Variants in VSTM2L observed in about 807,000 individuals in gnomAD.
VSTM2L encodes V-set and transmembrane domain-containing protein 2-like protein.
VSTM2L carries 9 observed loss-of-function variants against 19.9 expected under a neutral mutation model. The ratio of observed to expected loss-of-function variants is 0.45; its 90% CI spans 0.27 to 0.79. The LOEUF (loss-of-function observed/expected upper bound fraction) is 0.79. Ranked by LOEUF, VSTM2L falls within the 30% of genes least tolerant of loss-of-function variation. The pLI is 0.15. For missense variants in VSTM2L, 286 were observed against 295.5 expected (o/e 0.97, Z 0.24); for synonymous variants, 127 against 133.8 (o/e 0.95, Z 0.35).
At chr20:37,941,951 A>C (rs1363179823) in intron 3 of VSTM2L, among the ~76,000 whole-genome samples, 1 of 151,764 alleles carries the variant, frequency 6.6e-6, no homozygotes, top group African/African-American at 2.4e-5. Context: ...AAAGTTTCAA[A>C]AATAGGTCAT....
Position 37,930,930 on chromosome 20 carries a change from C to T in VSTM2L, c.122-705C>T, listed in dbSNP as rs73908027. Among the ~76,000 whole-genome samples, 978 of 152,290 alleles carry T rather than the reference C, an allele frequency of 6.4e-3. 8 individuals are homozygous for T. Among genetic ancestry groups the T allele is most frequent in the African/African-American group, 0.022 (922 of 41,570 alleles). ...CAGGGCAGGGCAGGAGGTGGGGGAC[C>T]TTCTCGGGATCCTCAAGGAGGACCT... On this transcript the variant is annotated intron_variant, in intron 1 of 3. Coordinates refer to ENST00000373461, the MANE Select transcript of VSTM2L (RefSeq NM_080607.3).
chr20:37,921,818 CTCTT>C (rs1244077567), intron 1 of VSTM2L, among the ~76,000 whole-genome samples: 93 of 143,236 alleles, frequency 6.5e-4, no homozygotes, highest in African/African-American at 1.7e-3. Context: ...TTTTCTTTCT[CTCTT>C]TCTTTCTTTC....
chr20:37,927,212 G>T (rs558973154), intron 1 of VSTM2L, among the ~76,000 whole-genome samples: 2 of 152,334 alleles, frequency 1.3e-5, no homozygotes, highest in South Asian at 2.1e-4. Flanking sequence ...TGATCTGCCT[G>T]CCTCGGTCCC....
chr20:37,942,753 G>T lies in VSTM2L; in HGVS notation c.343-1228G>T, dbSNP rs2072979965. 2.6e-5 allele frequency among the ~76,000 whole-genome samples: 4 copies of T among 152,308 alleles called. No individual in the cohort carries two copies. In the South Asian group the frequency reaches 8.3e-4, roughly 32 times the overall value. On this transcript the variant is annotated intron_variant, in intron 3 of 3. Coordinates refer to ENST00000373461, the MANE Select transcript of VSTM2L (RefSeq NM_080607.3). ...GTACACACAGGAAACATTTCCTCAG[G>T]CTGTGTGCACTTTACTCTACATAAG...
chr20:37,944,548 T>G lies in VSTM2L; in HGVS notation c.*295T>G. The G allele has an allele frequency of 8.5e-7, 1 of 1,175,262 alleles. No individual in the cohort carries two copies. The highest frequency in any genetic ancestry group is 1.1e-6 in the Non-Finnish European group (1 of 952,220). The allele number at this position is 1,175,262 out of a possible 1,614,324, so 72.8% of individuals were successfully genotyped here. A position where few individuals can be genotyped will look rare whatever the true frequency, so the allele number is the denominator to read the frequency against. ...CATGCTGGGGCCCGGGGCCACCCCC[T>G]TCCTGTCACCAGCTTCTGTGGAGTC... On this transcript the variant is annotated 3_prime_UTR_variant, in exon 4 of 4. Coordinates refer to ENST00000373461, the MANE Select transcript of VSTM2L (RefSeq NM_080607.3).
intron 1 of VSTM2L, among the ~76,000 whole-genome samples, chr20:37,920,730 G>C (rs2072845521): frequency 6.6e-6 from 1 of 152,204 alleles, no homozygotes; most frequent in Non-Finnish European, 1.5e-5. Flanking sequence ...CCCTGCTCCT[G>C]TGGGCACAGT....
Position 37,915,643 on chromosome 20 carries a change from T to A in VSTM2L, c.121+12172T>A, listed in dbSNP as rs566312214. On this transcript the variant is annotated intron_variant, in intron 1 of 3. Transcript: ENST00000373461. ...CCTACCTTGAGGAGGTGCAGTTGGG[T>A]TGAAATCCAGGTCAGCCTGACTCCG... Among the ~76,000 whole-genome samples the A allele has an allele frequency of 4.6e-5, 7 of 152,158 alleles. No homozygotes were observed. The East Asian group carries it at 1.4e-3, about 29-fold the overall frequency.
At position 37,931,810 on chromosome 20, in the gene VSTM2L, GC is replaced by G; in HGVS notation, c.291+10del. On this transcript the variant is annotated splice_region_variant and intron_variant, in intron 2 of 3. Coordinates refer to ENST00000373461, the MANE Select transcript of VSTM2L (RefSeq NM_080607.3). ...AGGCGTGGGCCTCGAACCAGGTAAT[GC>G]CCCTGGGGAGATGCCCAAGCTGGGC... 2 of 1,610,572 alleles carry G rather than the reference GC, an allele frequency of 1.2e-6. No individual in the cohort carries two copies. The highest frequency in any genetic ancestry group is 1.7e-6 in the Non-Finnish European group (2 of 1,177,856).
At chr20:37,935,033 C>T (rs1264251755) in intron 3 of VSTM2L, among the ~76,000 whole-genome samples, 1 of 152,094 alleles carries the variant, frequency 6.6e-6, no homozygotes, top group Non-Finnish European at 1.5e-5. Flanking sequence ...ATATTAATAC[C>T]CCGTTCATCA....
chr20:37,914,385 T>TGTGGGGGGA (rs2072801032), intron 1 of VSTM2L, among the ~76,000 whole-genome samples: 1 of 150,450 alleles, frequency 6.6e-6, no homozygotes, highest in Admixed American at 6.6e-5. Context: ...TGGGTGTATG[T>TGTGGGGGGA]GTGGGTGTGT....
intron 3 of VSTM2L, among the ~76,000 whole-genome samples, chr20:37,934,128 G>A (rs914082341): frequency 6.6e-6 from 1 of 152,254 alleles, no homozygotes; most frequent in Non-Finnish European, 1.5e-5. Context: ...GGCTCAGGAG[G>A]TCAGGGACTT....
At chr20:37,908,314 G>T (rs1013813285) in intron 1 of VSTM2L, among the ~76,000 whole-genome samples, 1 of 152,228 alleles carries the variant, frequency 6.6e-6, no homozygotes, top group East Asian at 1.9e-4. Flanking sequence ...AGGGGAGTCG[G>T]GTAAGTGACC....
rs1485361833 is a variant in VSTM2L, at chr20:37,944,312, G to A, written c.*59G>A. 8.8e-6 allele frequency: 12 copies of A among 1,366,954 alleles called. No homozygotes were observed. Among genetic ancestry groups the A allele is most frequent in the Non-Finnish European group, 9.5e-6 (10 of 1,049,878 alleles). The allele number at this position is 1,366,954 out of a possible 1,614,324, so 84.7% of individuals were successfully genotyped here. A position where few individuals can be genotyped will look rare whatever the true frequency, so the allele number is the denominator to read the frequency against. ...CGCTGTACAGAGTGCATGAGGAGCC[G>A]CCGGACCACCGGGGACCGACTGCCT... On this transcript the variant is annotated 3_prime_UTR_variant, in exon 4 of 4. Transcript: ENST00000373461.
rs1274065202 is a variant in VSTM2L, at chr20:37,931,800, A to G, written c.287A>G (p.Asn96Ser). The change falls in exon 2 of 4, where the codon AAC becomes AGC. Residue 96 changes from asparagine to serine, a missense_variant. Transcript: ENST00000373461. The part of the protein sequence containing the change: ...DWTDKQAWAS[N>S]QLKASQQEDA... The stretch of plus-strand genomic sequence containing the variant: ...ACCGACAAGCAGGCGTGGGCCTCGA[A>G]CCAGGTAATGCCCCTGGGGAGATGC... 1.2e-6 allele frequency: 2 copies of G among 1,613,424 alleles called. No homozygotes were observed. The highest frequency in any genetic ancestry group is 4.5e-5 in the East Asian group (2 of 44,876).
At chr20:37,916,055 C>CCCCCA (rs1277322404) in intron 1 of VSTM2L, among the ~76,000 whole-genome samples, 2 of 152,210 alleles carry the variant, frequency 1.3e-5, no homozygotes, top group Admixed American at 1.3e-4. Flanking sequence ...GATGCAGCCT[C>CCCCCA]CTTTGCTTCC....
At position 37,931,734 on chromosome 20, in the gene VSTM2L, T is replaced by C; in HGVS notation, c.221T>C (p.Leu74Pro). 1 of 1,613,854 alleles carries C rather than the reference T, an allele frequency of 6.2e-7. No homozygotes were observed. Among genetic ancestry groups the C allele is most frequent in the Non-Finnish European group, 8.5e-7 (1 of 1,180,020 alleles). ...GGCAGCGGCTCCCCCTCCTACTCGC[T>C]GGAGATCCAGTGGTGGTATGTACGG... is the stretch of plus-strand genomic sequence containing the variant. ...FRGSGSPSYSLEIQWWYVRSH... is the reference protein window; with the variant it reads ...FRGSGSPSYSPEIQWWYVRSH... Residue 74 changes from leucine to proline, a missense_variant, in exon 2 of 4, where the codon CTG (leucine) becomes CCG (proline). Leu to Pro is a moderately conservative substitution (Grantham distance 98). Transcript: ENST00000373461.
At chr20:37,928,136 C>G (rs111503207) in intron 1 of VSTM2L, among the ~76,000 whole-genome samples, 1 of 152,036 alleles carries the variant, frequency 6.6e-6, no homozygotes, top group African/African-American at 2.4e-5. Flanking sequence ...GTGGTCATAC[C>G]AGATCCAACC....
chr20:37,925,998 T>C (rs73096432), intron 1 of VSTM2L, among the ~76,000 whole-genome samples: 2,641 of 152,322 alleles, frequency 0.017, 52 homozygotes, highest in Non-Finnish European at 0.022. Flanking sequence ...GCACTCAGAA[T>C]GAAACAGACT....
chr20:37,909,886 C>T (rs1306321562), intron 1 of VSTM2L, among the ~76,000 whole-genome samples: 1 of 152,240 alleles, frequency 6.6e-6, no homozygotes, highest in East Asian at 1.9e-4. Flanking sequence ...ACCCAGCTGG[C>T]TCCCCCTGGT....
Sources: gnomAD v4.1 joint callset for allele counts (sites outside exome capture counted in the v4.1 genomes callset) on GRCh38, gnomAD v4.1.1 for gene constraint, MANE v1.5 for transcripts, NCBI Gene and HGNC (gene_info 2026-07-23, HGNC 2026-07-21) for gene names.